COMMD10: variants seen among roughly 807,000 people sequenced by gnomAD.
COMMD10 encodes the protein COMM domain containing 10.
In COMMD10, 33 loss-of-function variants were observed where a neutral mutation model predicts 28.9. The observed-to-expected ratio is 1.14, with a 90% CI of 0.87 to 1.53. The LOEUF (loss-of-function observed/expected upper bound fraction) is 1.53, where lower values mean the gene tolerates loss of function less well. Ranked by LOEUF, COMMD10 falls within the 40% of genes most tolerant of loss-of-function variation. COMMD10 has a pLI of 0.00. For synonymous variants in COMMD10, 110 were observed against 81.7 expected, an observed-to-expected ratio of 1.35 and a Z score of -1.87; for missense variants, 310 against 233.4, an observed-to-expected ratio of 1.33 and a Z score of -2.14.
At chr5:116,129,911 C>G (rs78007973) in intron 4 of COMMD10, among the ~76,000 whole-genome samples, 12,632 of 149,512 alleles carry the variant, frequency 0.084, 1,023 homozygotes, top group African/African-American at 0.22. Flanking sequence ...TCTATATTTT[C>G]TATTCATTTA....
intron 5 of COMMD10, chr5:116,218,099 C>T: frequency 7.6e-7 from 1 of 1,308,844 alleles, no homozygotes; most frequent in Non-Finnish European, 1.1e-6. Context: ...AGGGTTATTC[C>T]CCTCCTTGCC....
intron 5 of COMMD10, among the ~76,000 whole-genome samples, chr5:116,285,934 A>G (rs780870539): frequency 6.6e-6 from 1 of 151,846 alleles, no homozygotes; most frequent in Non-Finnish European, 1.5e-5. Flanking sequence ...GTTTCAGGAC[A>G]ATGGATGTTA....
intron 5 of COMMD10, among the ~76,000 whole-genome samples, chr5:116,243,366 A>G (rs1749862508): frequency 6.6e-6 from 1 of 152,150 alleles, no homozygotes; most frequent in African/African-American, 2.4e-5. Flanking sequence ...TGAATAGGAG[A>G]GTATCTTACA....
Position 116,111,750 on chromosome 5 carries a change from G to T in COMMD10, c.399+19050G>T, listed in dbSNP as rs1192806446. 2.6e-5 allele frequency among the ~76,000 whole-genome samples: 4 copies of T among 152,262 alleles called. No individual in the cohort carries two copies. The South Asian group carries it at 6.2e-4, about 24-fold the overall frequency. Reference sequence around the variant, plus strand: ...TGATGAGAAGAGTATTTATTCTGCAGTTGTTGGATAGAATGTTCTATAAAT... The same window carrying T: ...TGATGAGAAGAGTATTTATTCTGCATTTGTTGGATAGAATGTTCTATAAAT... On this transcript the variant is annotated intron_variant, in intron 4 of 6. Transcript: ENST00000274458.
intron 5 of COMMD10, among the ~76,000 whole-genome samples, chr5:116,143,529 C>G (rs1170769559): frequency 6.6e-6 from 1 of 151,720 alleles, no homozygotes; most frequent in Non-Finnish European, 1.5e-5. Flanking sequence ...CTTGTCTTTT[C>G]TAGCTTCTGA....
chr5:116,275,161 C>T (rs1750869671), intron 5 of COMMD10, among the ~76,000 whole-genome samples: 1 of 151,828 alleles, frequency 6.6e-6, no homozygotes, highest in Non-Finnish European at 1.5e-5. Context: ...CTCTTCATCT[C>T]ACCCATGTCT....
chr5:116,111,780 G>C (rs1466963333), intron 4 of COMMD10, among the ~76,000 whole-genome samples: 1 of 152,178 alleles, frequency 6.6e-6, no homozygotes, highest in African/African-American at 2.4e-5. Context: ...ATAAATGTGT[G>C]TTAGGTACAT....
At chr5:116,156,201 A>G (rs1032736027) in intron 5 of COMMD10, among the ~76,000 whole-genome samples, 3 of 152,102 alleles carry the variant, frequency 2.0e-5, no homozygotes, top group Non-Finnish European at 4.4e-5. Context: ...AATAATAGAG[A>G]ATAAGGTGAA....
intron 5 of COMMD10, among the ~76,000 whole-genome samples, chr5:116,146,279 G>A (rs1202066848): frequency 1.3e-5 from 2 of 151,758 alleles, no homozygotes; most frequent in Non-Finnish European, 2.9e-5. Context: ...TGCTTCCTTG[G>A]TTGATAATAT....
chr5:116,206,519 G>A (rs1374972250), intron 5 of COMMD10, among the ~76,000 whole-genome samples: 1 of 152,074 alleles, frequency 6.6e-6, no homozygotes, highest in Non-Finnish European at 1.5e-5. Flanking sequence ...GGGTGTGGTG[G>A]TGCACGCCTG....
chr5:116,122,043 A>G (rs903173711), intron 4 of COMMD10, among the ~76,000 whole-genome samples: 1 of 152,212 alleles, frequency 6.6e-6, no homozygotes, highest in African/African-American at 2.4e-5. Flanking sequence ...TGTTTTAGAC[A>G]TGAAGTCCTT....
intron 5 of COMMD10, among the ~76,000 whole-genome samples, chr5:116,228,228 T>C (rs1410908303): frequency 1.3e-5 from 2 of 151,888 alleles, no homozygotes; most frequent in African/African-American, 4.8e-5. Context: ...GGTTGAAAAA[T>C]AAACTTCTAA....
At chr5:116,253,341 G>T (rs538367363) in intron 5 of COMMD10, among the ~76,000 whole-genome samples, 6 of 146,740 alleles carry the variant, frequency 4.1e-5, no homozygotes, top group African/African-American at 1.3e-4. Flanking sequence ...ATGTTGAATA[G>T]GAGTGGTGAG....
At chr5:116,271,093 G>A (rs1750740682) in intron 5 of COMMD10, among the ~76,000 whole-genome samples, 1 of 151,094 alleles carries the variant, frequency 6.6e-6, no homozygotes, top group Admixed American at 6.6e-5. Flanking sequence ...AAAGGCTTGG[G>A]AGAAAATCTT....
intron 5 of COMMD10, among the ~76,000 whole-genome samples, chr5:116,250,572 A>G (rs753024528): frequency 6.6e-6 from 1 of 151,914 alleles, no homozygotes; most frequent in Non-Finnish European, 1.5e-5. Context: ...AGGCATATAC[A>G]TAAAGGAATA....
chr5:116,254,793 T>C (rs1750233436), intron 5 of COMMD10, among the ~76,000 whole-genome samples: 1 of 151,354 alleles, frequency 6.6e-6, no homozygotes, highest in South Asian at 2.1e-4. Flanking sequence ...GGGTGGAGAG[T>C]TCTGTAGATG....
chr5:116,134,115 T>C lies in COMMD10; in HGVS notation c.447T>C (p.Ala149=). 6.2e-7 allele frequency: 1 copy of C among 1,613,058 alleles called. No individual in the cohort carries two copies. The highest frequency in any genetic ancestry group is 8.5e-7 in the Non-Finnish European group (1 of 1,179,020). Reference sequence around the variant, plus strand: ...TTAACCTTCAGATGGCTCACTCTGCTCAAGCAAAACTAAAATCTCCTCAAG... The same window carrying C: ...TTAACCTTCAGATGGCTCACTCTGCCCAAGCAAAACTAAAATCTCCTCAAG... The part of the protein sequence containing the change: ...WQLNLQMAHS[A]QAKLKSPQAV... The change falls in exon 5 of 7, where the codon GCT becomes GCC. Residue 149 remains alanine (A), a synonymous_variant. Coordinates refer to ENST00000274458, the MANE Select transcript of COMMD10 (RefSeq NM_016144.4).
chr5:116,274,299 G>C (rs1157614244), intron 5 of COMMD10, among the ~76,000 whole-genome samples: 1 of 151,846 alleles, frequency 6.6e-6, no homozygotes, highest in Admixed American at 6.6e-5. Context: ...CTACAATAGA[G>C]TTTGGCAAAC....
At chr5:116,224,767 C>T (rs998402208) in intron 5 of COMMD10, among the ~76,000 whole-genome samples, 6 of 152,046 alleles carry the variant, frequency 3.9e-5, no homozygotes, top group African/African-American at 9.7e-5. Flanking sequence ...CCGTATCACC[C>T]GGGATATTGT....
Sources: allele counts gnomAD v4.1 joint callset (sites outside exome capture counted in the v4.1 genomes callset), GRCh38; gene constraint gnomAD v4.1.1; transcripts MANE v1.5; gene names NCBI Gene and HGNC (gene_info 2026-07-23, HGNC 2026-07-21).